The following MIPOL1 variants were observed in gnomAD, a reference collection of about 807,000 sequenced individuals.
MIPOL1 encodes the protein mirror-image polydactyly gene 1 protein.
A neutral mutation model predicts 60.9 loss-of-function variants in MIPOL1; 57 were observed. The ratio of observed to expected loss-of-function variants is 0.94; its 90% CI spans 0.76 to 1.17. MIPOL1 has a LOEUF of 1.17. Among genes scored for constraint, MIPOL1 ranks in the 50% most tolerant of loss-of-function variants. The pLI, the probability that MIPOL1 is intolerant of heterozygous loss-of-function variation, is 0.00. For synonymous variants in MIPOL1, 179 were observed against 168.8 expected (o/e 1.06, Z -0.47); for missense variants, 551 against 511.6 (o/e 1.08, Z -0.74).
intron 9 of MIPOL1, among the ~76,000 whole-genome samples, chr14:37,358,631 T>A (rs181357187): frequency 1.0e-3 from 156 of 152,342 alleles, no homozygotes; most frequent in African/African-American, 3.7e-3. Flanking sequence ...TGCATAAATG[T>A]CTTCTTTTGA....
rs996246844 is a variant in MIPOL1 at position 37,265,481 on chromosome 14, A to G, written c.20-1457A>G. On this transcript the variant is annotated intron_variant, in intron 3 of 12. Transcript: ENST00000684589. ...AGACATACCACACTGTAAGTTTTCA[A>G]TGAACGATCAGTAAATTAATGAATA... Among the ~76,000 whole-genome samples, 27 of 152,174 alleles carry G rather than the reference A, an allele frequency of 1.8e-4. 1 individual carries two copies. Among genetic ancestry groups the G allele is most frequent in the African/African-American group, 6.0e-4 (25 of 41,458 alleles).
At chr14:37,346,291 T>TTG (rs2090940797) in intron 9 of MIPOL1, among the ~76,000 whole-genome samples, 1 of 152,138 alleles carries the variant, frequency 6.6e-6, no homozygotes, top group Non-Finnish European at 1.5e-5. Context: ...ATCGTGCCAA[T>TTG]GCACTGCAGC....
At chr14:37,365,721 T>C (rs1244137705) in intron 9 of MIPOL1, among the ~76,000 whole-genome samples, 3 of 152,130 alleles carry the variant, frequency 2.0e-5, no homozygotes, top group Admixed American at 1.3e-4. Context: ...ACTGGCCTTG[T>C]AGAATGTGTT....
chr14:37,420,974 T>TAA (rs950715951), intron 10 of MIPOL1, among the ~76,000 whole-genome samples: 1 of 152,096 alleles, frequency 6.6e-6, no homozygotes, highest in Non-Finnish European at 1.5e-5. Context: ...GCTTTGAACA[T>TAA]AATCACTAGG....
intron 11 of MIPOL1, among the ~76,000 whole-genome samples, chr14:37,446,638 G>A (rs1319128297): frequency 4.6e-5 from 7 of 152,004 alleles, no homozygotes; most frequent in Non-Finnish European, 8.8e-5. Flanking sequence ...TGTTTATAGC[G>A]GCACTATTCA....
intron 1 of MIPOL1, among the ~76,000 whole-genome samples, chr14:37,238,927 TG>T (rs1971921036): frequency 6.6e-6 from 1 of 151,916 alleles, no homozygotes; most frequent in South Asian, 2.1e-4. Flanking sequence ...CTCTGCAGCC[TG>T]GGCAACAGAA....
intron 9 of MIPOL1, among the ~76,000 whole-genome samples, chr14:37,351,848 AT>A (rs2091417103): frequency 6.7e-6 from 1 of 149,450 alleles, no homozygotes; most frequent in African/African-American, 2.5e-5. Context: ...ATTTTCTCCC[AT>A]TTTGTAGGTT....
intron 11 of MIPOL1, among the ~76,000 whole-genome samples, chr14:37,460,312 C>T (rs1285958300): frequency 6.6e-6 from 1 of 152,046 alleles, no homozygotes; most frequent in African/African-American, 2.4e-5. Context: ...TGAAATCCAA[C>T]ATCTCTTCAT....
chr14:37,349,461 G>C (rs10137554), intron 9 of MIPOL1, among the ~76,000 whole-genome samples: 147,908 of 152,286 alleles, frequency 0.97, 71,881 homozygotes, highest in East Asian at 1. Flanking sequence ...TTCTCCTCCC[G>C]CTTGCTTACT....
Position 37,248,225 on chromosome 14 carries a change from A to G in MIPOL1, c.19+318A>G, listed in dbSNP as rs1224461024. Among the ~76,000 whole-genome samples, 2 of 152,092 alleles carry G rather than the reference A, an allele frequency of 1.3e-5. 1 individual carries two copies. The highest frequency in any genetic ancestry group is 4.1e-4 in the South Asian group (2 of 4,828). The stretch of plus-strand genomic sequence containing the variant: ...ACGCCTACATACAAAGAGACAGAGG[A>G]GACAGAATGACTGTGACAGAGATGT... On this transcript the variant is annotated intron_variant, in intron 3 of 12. Coordinates refer to ENST00000684589, the MANE Select transcript of MIPOL1 (RefSeq NM_001388067.1).
intron 12 of MIPOL1, among the ~76,000 whole-genome samples, chr14:37,546,654 A>G (rs1432877678): frequency 6.6e-6 from 1 of 151,744 alleles, no homozygotes; most frequent in Non-Finnish European, 1.5e-5. Flanking sequence ...TAAGTGTCCT[A>G]TAAATTTTGT....
At chr14:37,459,983 G>A (rs916625718) in intron 11 of MIPOL1, among the ~76,000 whole-genome samples, 3 of 152,138 alleles carry the variant, frequency 2.0e-5, no homozygotes, top group Non-Finnish European at 4.4e-5. Flanking sequence ...GGAGGCTGAG[G>A]CAAGAGAATT....
chr14:37,297,749 G>T (rs1053184919), intron 7 of MIPOL1, among the ~76,000 whole-genome samples: 3 of 151,844 alleles, frequency 2.0e-5, no homozygotes, highest in African/African-American at 7.3e-5. Flanking sequence ...AACTTACAAG[G>T]GATGTGAAGG....
rs528287574 is a variant in MIPOL1 at position 37,398,779 on chromosome 14, T to C, written c.937-24076T>C. On this transcript the variant is annotated intron_variant, in intron 10 of 12. Transcript: ENST00000684589. Reference sequence around the variant, plus strand: ...GTAAGATCTTTTCGTTTTTCTTTGATATGAAGTTTATAGACTAAATGGAAA... The same window carrying C: ...GTAAGATCTTTTCGTTTTTCTTTGACATGAAGTTTATAGACTAAATGGAAA... Among the ~76,000 whole-genome samples, 10 of 152,318 alleles carry C rather than the reference T, an allele frequency of 6.6e-5. No homozygotes were observed. In the South Asian group the frequency reaches 2.1e-3, roughly 32 times the overall value.
intron 1 of MIPOL1, chr14:37,198,328 T>G (rs1334554098): frequency 5.9e-5 from 9 of 152,262 alleles, no homozygotes; most frequent in Admixed American, 1.3e-4. Flanking sequence ...CTGGGTATGG[T>G]TTTGGTATTG....
At chr14:37,476,346 G>A (rs1200694478) in intron 11 of MIPOL1, among the ~76,000 whole-genome samples, 1 of 151,970 alleles carries the variant, frequency 6.6e-6, no homozygotes, top group Non-Finnish European at 1.5e-5. Flanking sequence ...AATTTCATGG[G>A]ATTTTCTACA....
At position 37,270,480 on chromosome 14, in the gene MIPOL1, C is replaced by A; in HGVS notation, c.448C>A (p.Leu150Ile). The A allele has an allele frequency of 2.5e-6, 4 of 1,600,148 alleles. No homozygotes were observed. Among genetic ancestry groups the A allele is most frequent in the Non-Finnish European group, 3.4e-6 (4 of 1,172,884 alleles). Residue 150 changes from leucine to isoleucine, a missense_variant, in exon 6 of 13, where the codon CTC (leucine) becomes ATC (isoleucine). Transcript: ENST00000684589. ...GAGAAAACTAAAGTTTAAGCTGGAA[C>A]TCCAAGAGAAAGAAACAGAAGCTAA... ...EQRKLKFKLE[L>I]QEKETEAKIA... is the part of the protein sequence containing the mutation.
chr14:37,493,855 GTTATT>G lies in MIPOL1; in HGVS notation c.1032-6051_1032-6047del, dbSNP rs1320577152. Among the ~76,000 whole-genome samples the G allele has an allele frequency of 3.3e-5, 5 of 152,158 alleles. No homozygotes were observed. The East Asian group carries it at 9.6e-4, about 29-fold the overall frequency. ...AGAGTGATTCAGTGACTCTTTGGCT[GTTATT>G]TCATCATTTATGCTTACTGTAACTT... On this transcript the variant is annotated intron_variant, in intron 11 of 12. Transcript: ENST00000684589.
At chr14:37,483,172 G>A (rs918223574) in intron 11 of MIPOL1, among the ~76,000 whole-genome samples, 5 of 150,454 alleles carry the variant, frequency 3.3e-5, no homozygotes, top group Non-Finnish European at 7.4e-5. Context: ...CAGTGCAGTG[G>A]CATGATCCTG....
Sources: allele counts gnomAD v4.1 joint callset (sites outside exome capture counted in the v4.1 genomes callset), GRCh38; gene constraint gnomAD v4.1.1; transcripts MANE v1.5; gene names NCBI Gene and HGNC (gene_info 2026-07-23, HGNC 2026-07-21).